The following DRC8 variants were observed in gnomAD, a reference collection of about 807,000 sequenced individuals.
The protein encoded by DRC8 is dynein regulatory complex subunit 8, also known as dynein regulatory complex protein 8.
the DRC8 span, among the ~76,000 whole-genome samples, chr1:245,032,496 G>C: frequency 6.6e-6 from 1 of 152,190 alleles, no homozygotes; most frequent in Non-Finnish European, 1.5e-5. Context: ...AACAGCTCCA[G>C]TTTCTACTGA....
the DRC8 span, among the ~76,000 whole-genome samples, chr1:245,077,316 T>G: frequency 6.6e-6 from 1 of 152,156 alleles, no homozygotes. Context: ...ATACCATATT[T>G]GAAAAATGCA....
chr1:244,987,931 C>G, the DRC8 span, among the ~76,000 whole-genome samples: 1 of 152,100 alleles, frequency 6.6e-6, no homozygotes, highest in East Asian at 1.9e-4. Flanking sequence ...AAAAACTTCT[C>G]TTATATCCTT....
the DRC8 span, among the ~76,000 whole-genome samples, chr1:245,064,786 G>A: frequency 1.3e-5 from 2 of 152,062 alleles, no homozygotes; most frequent in African/African-American, 4.8e-5. Context: ...TTGAGATAGT[G>A]CAAATCCATT....
the DRC8 span, among the ~76,000 whole-genome samples, chr1:245,036,464 A>G: frequency 1.3e-5 from 2 of 152,210 alleles, no homozygotes; most frequent in African/African-American, 4.8e-5. Context: ...TAGAGTTACC[A>G]TATGACCCAG....
At chr1:244,986,200 C>T in the DRC8 span, among the ~76,000 whole-genome samples, 2 of 151,678 alleles carry the variant, frequency 1.3e-5, no homozygotes, top group African/African-American at 4.8e-5. Flanking sequence ...GGTGACCCGC[C>T]CACCTCGGCC....
chr1:245,072,849 G>A, the DRC8 span, among the ~76,000 whole-genome samples: 6 of 151,928 alleles, frequency 3.9e-5, no homozygotes, highest in African/African-American at 1.2e-4. Flanking sequence ...TCCTCCCTCC[G>A]CACTCTCTCT....
At chr1:244,972,895 T>A in the DRC8 span, among the ~76,000 whole-genome samples, 3 of 152,286 alleles carry the variant, frequency 2.0e-5, no homozygotes, top group African/African-American at 7.2e-5. Context: ...TTAACAGTTT[T>A]ATGGATTAAC....
the DRC8 span, among the ~76,000 whole-genome samples, chr1:244,981,854 A>G: frequency 1.3e-5 from 2 of 152,230 alleles, no homozygotes; most frequent in African/African-American, 4.8e-5. Context: ...ATGCTAGTGC[A>G]TTCTTCATAA....
chr1:245,018,760 A>C, the DRC8 span, among the ~76,000 whole-genome samples: 4 of 152,190 alleles, frequency 2.6e-5, no homozygotes, highest in African/African-American at 9.7e-5. Flanking sequence ...CTTGTCATCT[A>C]ACACACTACG....
the DRC8 span, among the ~76,000 whole-genome samples, chr1:245,115,863 G>A: frequency 4.6e-5 from 7 of 150,724 alleles, no homozygotes; most frequent in African/African-American, 1.5e-4. Context: ...AGACCAGCTT[G>A]GGCAACAGAG....
chr1:245,081,827 A>G, the DRC8 span, among the ~76,000 whole-genome samples: 1 of 152,206 alleles, frequency 6.6e-6, no homozygotes, highest in African/African-American at 2.4e-5. Context: ...CTGTACTTAC[A>G]TCAGTTCACA....
At chr1:245,072,833 C>T in the DRC8 span, among the ~76,000 whole-genome samples, 414 of 152,210 alleles carry the variant, frequency 2.7e-3, 3 homozygotes, top group African/African-American at 9.5e-3. Flanking sequence ...TTTAAAACTG[C>T]GTGGCTCCTC....
chr1:245,093,066 A>G, the DRC8 span, among the ~76,000 whole-genome samples: 504 of 152,262 alleles, frequency 3.3e-3, 1 homozygote, highest in African/African-American at 0.011. Context: ...AGGGAGAGAG[A>G]AAAAGAGAGA....
At chr1:245,063,071 G>A in the DRC8 span, among the ~76,000 whole-genome samples, 1 of 152,144 alleles carries the variant, frequency 6.6e-6, no homozygotes, top group African/African-American at 2.4e-5. Context: ...GGTGAGCAGT[G>A]CATCTGAGCC....
the DRC8 span, among the ~76,000 whole-genome samples, chr1:245,100,398 A>C: frequency 6.6e-6 from 1 of 151,102 alleles, no homozygotes; most frequent in Non-Finnish European, 1.5e-5. Flanking sequence ...AGTAGTAGTA[A>C]TAATAATAAT....
the DRC8 span, among the ~76,000 whole-genome samples, chr1:245,024,551 C>CTTT: frequency 3.1e-3 from 439 of 140,710 alleles, 11 homozygotes; most frequent in East Asian, 0.049. Context: ...TTTTCTTTCT[C>CTTT]TTTTTTTTTT....
At chr1:245,052,392 G>C in the DRC8 span, among the ~76,000 whole-genome samples, 2 of 152,212 alleles carry the variant, frequency 1.3e-5, no homozygotes, top group Non-Finnish European at 2.9e-5. Flanking sequence ...GAGTGGCTGA[G>C]TGTAGAGGAC....
the DRC8 span, chr1:245,083,412 G>C: frequency 6.2e-7 from 1 of 1,603,362 alleles, no homozygotes; most frequent in Non-Finnish European, 8.5e-7. Context: ...AAATACCACG[G>C]CATTTACTCA....
At chr1:245,007,617 GTA>G in the DRC8 span, among the ~76,000 whole-genome samples, 17 of 152,286 alleles carry the variant, frequency 1.1e-4, no homozygotes, top group Admixed American at 7.9e-4. Context: ...TAGGCGGTGG[GTA>G]TAGAGTTGCT....
Sources: gnomAD v4.1 joint callset for allele counts (sites outside exome capture counted in the v4.1 genomes callset) on GRCh38, gnomAD v4.1.1 for gene constraint, MANE v1.5 for transcripts, NCBI Gene and HGNC (gene_info 2026-07-23, HGNC 2026-07-21) for gene names.